PARD3B: variants seen among roughly 807,000 people sequenced by gnomAD.
The protein encoded by PARD3B is partitioning defective 3 homolog B.
Under a neutral mutation model 130.2 loss-of-function variants are expected in PARD3B, and 103 were observed. That is an observed-to-expected ratio of 0.79 (90% CI 0.67 to 0.93). The LOEUF is 0.93. Among genes scored for constraint, PARD3B ranks in the 40% least tolerant of loss-of-function variants. PARD3B has a pLI of 0.00. For missense variants in PARD3B, 1,609 were observed against 1,499.2 expected (o/e 1.07, Z -1.21); for synonymous variants, 583 against 553.2 (o/e 1.05, Z -0.76).
intron 4 of PARD3B, among the ~76,000 whole-genome samples, chr2:205,102,925 G>A (rs1057159285): frequency 2.8e-4 from 42 of 151,894 alleles, no homozygotes; most frequent in Admixed American, 1.8e-3. Context: ...AAAATTAGCC[G>A]GGTGTGGTGG....
At chr2:205,403,389 G>C (rs990501516) in intron 19 of PARD3B, among the ~76,000 whole-genome samples, 1 of 152,130 alleles carries the variant, frequency 6.6e-6, no homozygotes, top group Non-Finnish European at 1.5e-5. Context: ...TTGGCAGTTC[G>C]ACATTGGCTA....
chr2:205,588,387 A>C (rs1260292187), intron 22 of PARD3B, among the ~76,000 whole-genome samples: 1 of 152,132 alleles, frequency 6.6e-6, no homozygotes, highest in Admixed American at 6.6e-5. Flanking sequence ...TCCACAGCAC[A>C]CTTTTCTTAT....
chr2:205,255,560 C>T (rs572953483), intron 16 of PARD3B, among the ~76,000 whole-genome samples: 2 of 152,150 alleles, frequency 1.3e-5, no homozygotes, highest in Admixed American at 6.5e-5. Flanking sequence ...GCCAGTCCCA[C>T]GTCCTAAGTT....
chr2:205,059,354 T>G (rs1179057757), intron 4 of PARD3B, among the ~76,000 whole-genome samples: 1 of 151,948 alleles, frequency 6.6e-6, no homozygotes, highest in Non-Finnish European at 1.5e-5. Flanking sequence ...TGTATGAGAG[T>G]TATAATTTTT....
intron 2 of PARD3B, among the ~76,000 whole-genome samples, chr2:204,834,154 A>G (rs1030749191): frequency 3.9e-5 from 6 of 152,118 alleles, no homozygotes; most frequent in Non-Finnish European, 8.8e-5. Context: ...CTTATAATTT[A>G]TAACATTGTT....
At chr2:204,581,506 G>C (rs183953171) in intron 1 of PARD3B, among the ~76,000 whole-genome samples, 249 of 151,924 alleles carry the variant, frequency 1.6e-3, no homozygotes, top group African/African-American at 5.5e-3. Context: ...CAGTGTTGTG[G>C]GGGTATAAAA....
At chr2:204,868,606 C>T in intron 2 of PARD3B, among the ~76,000 whole-genome samples, 1 of 152,162 alleles carries the variant, frequency 6.6e-6, no homozygotes, top group East Asian at 1.9e-4. Flanking sequence ...TTTAAATACC[C>T]TGATCAAGCT....
chr2:204,748,367 G>A (rs1213470544), intron 2 of PARD3B, among the ~76,000 whole-genome samples: 2 of 151,946 alleles, frequency 1.3e-5, no homozygotes, highest in Non-Finnish European at 2.9e-5. Flanking sequence ...CCTGGATTAG[G>A]GCTCATATCC....
At chr2:205,561,072 A>T (rs1353854021) in intron 22 of PARD3B, among the ~76,000 whole-genome samples, 2 of 152,200 alleles carry the variant, frequency 1.3e-5, no homozygotes, top group Non-Finnish European at 2.9e-5. Context: ...ACTTGCAACA[A>T]GCATGCTGTC....
chr2:204,816,877 T>G (rs1441104063), intron 2 of PARD3B, among the ~76,000 whole-genome samples: 1 of 152,090 alleles, frequency 6.6e-6, no homozygotes. Context: ...ATTCAGCTCC[T>G]TTAAGCTGCC....
At chr2:205,474,508 C>G (rs1349108192) in intron 20 of PARD3B, among the ~76,000 whole-genome samples, 2 of 152,092 alleles carry the variant, frequency 1.3e-5, no homozygotes, top group African/African-American at 4.8e-5. Context: ...TTGAAACCAT[C>G]GCTTTTAAGG....
intron 4 of PARD3B, among the ~76,000 whole-genome samples, chr2:205,082,342 A>G (rs950658623): frequency 6.6e-6 from 1 of 152,220 alleles, no homozygotes; most frequent in Non-Finnish European, 1.5e-5. Context: ...ATGATAAAGC[A>G]TAATTTATAA....
chr2:205,412,193 G>A (rs1240623696), intron 19 of PARD3B, among the ~76,000 whole-genome samples: 3 of 152,050 alleles, frequency 2.0e-5, no homozygotes, highest in Non-Finnish European at 4.4e-5. Context: ...AATTCAGATT[G>A]CTGTCCCAAG....
chr2:204,908,058 A>G (rs2047098946), intron 2 of PARD3B, among the ~76,000 whole-genome samples: 1 of 152,150 alleles, frequency 6.6e-6, no homozygotes. Context: ...TGGATTCACT[A>G]CAAATTACAT....
At chr2:204,789,098 C>T (rs2042112768) in intron 2 of PARD3B, among the ~76,000 whole-genome samples, 1 of 152,076 alleles carries the variant, frequency 6.6e-6, no homozygotes, top group African/African-American at 2.4e-5. Flanking sequence ...TCTCTGTCAT[C>T]CAGGCTGGAG....
chr2:205,170,522 A>G (rs917971541), intron 11 of PARD3B, among the ~76,000 whole-genome samples: 13 of 152,024 alleles, frequency 8.6e-5, no homozygotes, highest in African/African-American at 1.9e-4. Flanking sequence ...GTGTCCTCCT[A>G]TGGGCGGCCC....
intron 21 of PARD3B, among the ~76,000 whole-genome samples, chr2:205,536,930 C>T (rs577407090): frequency 1.2e-4 from 18 of 152,220 alleles, no homozygotes; most frequent in South Asian, 8.3e-4. Context: ...TATGAATTGG[C>T]GTTGTACATT....
chr2:205,468,470 T>C (rs1256646706), intron 20 of PARD3B, among the ~76,000 whole-genome samples: 1 of 152,222 alleles, frequency 6.6e-6, no homozygotes, highest in African/African-American at 2.4e-5. Context: ...ACTTTATTAA[T>C]TTGCATTTAT....
intron 18 of PARD3B, among the ~76,000 whole-genome samples, chr2:205,365,294 C>T (rs933501243): frequency 4.6e-5 from 7 of 151,832 alleles, no homozygotes; most frequent in African/African-American, 1.7e-4. Flanking sequence ...TTGCTTGAAC[C>T]CAGGAGGCAG....
Sources: gnomAD v4.1 joint callset for allele counts (sites outside exome capture counted in the v4.1 genomes callset) on GRCh38, gnomAD v4.1.1 for gene constraint, MANE v1.5 for transcripts, NCBI Gene and HGNC (gene_info 2026-07-23, HGNC 2026-07-21) for gene names.